Variants in RPF1 observed in about 807,000 individuals in gnomAD.
The protein encoded by RPF1 is ribosome production factor 1.
RPF1 carries 34 observed loss-of-function variants against 41.9 expected under a neutral mutation model. The ratio of observed to expected loss-of-function variants is 0.81; its 90% confidence interval spans 0.62 to 1.08. The LOEUF (loss-of-function observed/expected upper bound fraction) is 1.08, where lower values mean the gene tolerates loss of function less well. RPF1 is among the 50% of genes least tolerant of loss of function. RPF1 has a pLI of 0.00. For missense variants in RPF1, 425 were observed against 435.2 expected (o/e 0.98, Z 0.21); for synonymous variants, 140 against 148.9 (o/e 0.94, Z 0.43).
chr1:84,495,641 T>C (rs146262251), intron 6 of RPF1, among the ~76,000 whole-genome samples, 186 bp downstream of exon 6: 1 of 152,212 alleles, frequency 6.6e-6, no homozygotes, highest in Non-Finnish European at 1.5e-5. Flanking sequence ...GGCAATAGTC[T>C]TCATTACTAT....
chr1:84,481,812 C>A (rs1681655638), intron 2 of RPF1, among the ~76,000 whole-genome samples: 1 of 152,098 alleles, frequency 6.6e-6, no homozygotes, highest in African/African-American at 2.4e-5. Flanking sequence ...GTCTCCGCCT[C>A]CCATTCAAGT....
chr1:84,486,457 G>A (rs543287356), intron 3 of RPF1, among the ~76,000 whole-genome samples: 3 of 151,676 alleles, frequency 2.0e-5, no homozygotes, highest in African/African-American at 7.3e-5. Flanking sequence ...GTGTGGTGGC[G>A]GGCACCTGTA....
chr1:84,487,348 G>A (rs1183665494), intron 3 of RPF1, among the ~76,000 whole-genome samples: 1 of 152,120 alleles, frequency 6.6e-6, no homozygotes, highest in African/African-American at 2.4e-5. Flanking sequence ...GTCTCATTGT[G>A]GTTTGAATTT....
At chr1:84,486,587 CAAA>C (rs896267195) in intron 3 of RPF1, among the ~76,000 whole-genome samples, 4 of 64,534 alleles carry the variant, frequency 6.2e-5, no homozygotes, top group South Asian at 5.7e-4. Context: ...GACTCCGTCT[CAAA>C]AAAAAAAAAA....
chr1:84,484,067 T>G (rs1380979115), intron 3 of RPF1, among the ~76,000 whole-genome samples: 1 of 152,220 alleles, frequency 6.6e-6, no homozygotes, highest in Non-Finnish European at 1.5e-5. Context: ...TAGACATATG[T>G]TAGCCAGTGA....
chr1:84,496,054 G>C lies in RPF1; in HGVS notation c.872G>C (p.Arg291Thr), dbSNP rs1256675992. The C allele has an allele frequency of 6.2e-7, 1 of 1,603,850 alleles. No individual in the cohort carries two copies. The highest frequency in any genetic ancestry group is 1.1e-5 in the South Asian group (1 of 89,180). The change falls in exon 7 of 9, where the codon AGA (arginine) becomes ACA (threonine). Residue 291 changes from arginine to threonine, a missense_variant. Coordinates refer to ENST00000370654, the MANE Select transcript of RPF1 (RefSeq NM_025065.7). ...AATCAACGGGATTACATATTCTTCA[G>C]ATTTCACAGGTGAGGAAGGTAAACT... ...FHNQRDYIFF[R>T]FHRYIFRSEK...
intron 7 of RPF1, 87 bp downstream of exon 7, chr1:84,496,150 TATC>T: frequency 1.4e-6 from 2 of 1,466,270 alleles, no homozygotes; most frequent in Admixed American, 2.0e-5. Flanking sequence ...TTGTAGCAAG[TATC>T]ATACAAGATA....
chr1:84,494,936 A>T (rs1056290320), intron 5 of RPF1, among the ~76,000 whole-genome samples: 1 of 152,218 alleles, frequency 6.6e-6, no homozygotes, highest in African/African-American at 2.4e-5. Context: ...GCATATCGTG[A>T]CCATACAAAT....
At chr1:84,480,867 C>A in intron 1 of RPF1, 89 bp from the exon 2 acceptor site, 1 of 726,826 alleles carries the variant, frequency 1.4e-6, no homozygotes, top group East Asian at 2.6e-5. Flanking sequence ...TTCGAGTATT[C>A]ATAGCATTAG....
rs753665480 is a variant in RPF1, at chr1:84,479,374, T to G, written c.93T>G (p.Ala31=). ...AAGAACTTCAGGAGGCTGCAGGCGC[T>G]GGGGATGGGGCGACGGAAAACGGGG... The part of the protein sequence containing the change: ...AAEELQEAAG[A]GDGATENGVQ... Residue 31 remains alanine, a synonymous_variant, in exon 1 of 9, where the codon GCT becomes GCG. Transcript: ENST00000370654. 1.2e-6 allele frequency: 2 copies of G among 1,614,068 alleles called. No individual in the cohort carries two copies. The highest frequency in any genetic ancestry group is 1.7e-6 in the Non-Finnish European group (2 of 1,179,936).
intron 3 of RPF1, among the ~76,000 whole-genome samples, chr1:84,486,326 G>A (rs146255469): frequency 9.6e-4 from 146 of 152,218 alleles, no homozygotes; most frequent in African/African-American, 3.0e-3. Context: ...AGTAGCTCAC[G>A]CCTGTAATCC....
chr1:84,495,748 C>T (rs1463085977), intron 6 of RPF1, 134 bp from the exon 7 acceptor site: 2 of 584,566 alleles, frequency 3.4e-6, no homozygotes, highest in Non-Finnish European at 6.0e-6. Flanking sequence ...TTTGATAAGC[C>T]ATCTGTGGTA....
At chr1:84,486,022 G>A (rs1024548202) in intron 3 of RPF1, among the ~76,000 whole-genome samples, 19 of 152,236 alleles carry the variant, frequency 1.2e-4, no homozygotes, top group African/African-American at 4.6e-4. Flanking sequence ...AGACTTGAAG[G>A]ATGTGAGGAA....
chr1:84,495,106 C>CT, intron 5 of RPF1, among the ~76,000 whole-genome samples: 1 of 151,906 alleles, frequency 6.6e-6, no homozygotes, highest in East Asian at 1.9e-4. Flanking sequence ...TTTAGGGTAC[C>CT]TTAAGATACC....
chr1:84,497,837 A>G lies in RPF1; in HGVS notation c.*367A>G, dbSNP rs940697768. Reference sequence around the variant, plus strand: ...TATACCAGATTAACCTTGGATTCCCAGTGTCTGGCACAGTTTTAATAGCTT... The same window carrying G: ...TATACCAGATTAACCTTGGATTCCCGGTGTCTGGCACAGTTTTAATAGCTT... On this transcript the variant is annotated 3_prime_UTR_variant, in exon 9 of 9. Coordinates refer to ENST00000370654, the MANE Select transcript of RPF1 (RefSeq NM_025065.7). 6.1e-6 allele frequency: 1 copy of G among 164,176 alleles called. No homozygotes were observed. Among genetic ancestry groups the G allele is most frequent in the Non-Finnish European group, 1.3e-5 (1 of 76,220 alleles). The allele number at this position is 164,176 out of a possible 1,614,324, so 10.2% of individuals were successfully genotyped here.
At chr1:84,480,805 A>G (rs780697059) in intron 1 of RPF1, 151 bp from the exon 2 acceptor site, 1 of 466,278 alleles carries the variant, frequency 2.1e-6, no homozygotes, top group Non-Finnish European at 3.8e-6. Context: ...TAATTTAGGT[A>G]GAAAACTCCA....
rs1558546557 is a variant in RPF1, at chr1:84,495,473, C to A, written c.699+18C>A. On this transcript the variant is annotated intron_variant, in intron 6 of 8. Transcript: ENST00000370654. ...AAATTAAGGTAAGTTTTATACATTT[C>A]TTTGATTGGCATTGATCTCTTCACA... 11 of 1,031,122 alleles carry A rather than the reference C, an allele frequency of 1.1e-5. No individual in the cohort carries two copies. The highest frequency in any genetic ancestry group is 1.6e-5 in the Non-Finnish European group (11 of 674,092). 63.9% of individuals were successfully genotyped at this position (1,031,122 alleles called of 1,614,324 possible).
At position 84,495,837 on chromosome 1, in the gene RPF1, A is replaced by G. The variant is rs377031927; in HGVS notation, c.700-45A>G. 4.9e-5 allele frequency: 63 copies of G among 1,296,674 alleles called. No homozygotes were observed. In the African/African-American group the frequency reaches 8.8e-4, roughly 18 times the overall value. 80.3% of individuals were successfully genotyped at this position (1,296,674 alleles called of 1,614,324 possible). A position where few individuals can be genotyped will look rare whatever the true frequency, so the allele number is the denominator to read the frequency against. ...GAAATTGCATTGGGACGTATTGCCA[A>G]TTAGCTTAGCCCATTGTGATATTTA... On this transcript the variant is annotated intron_variant, in intron 6 of 8. Transcript: ENST00000370654.
intron 8 of RPF1, among the ~76,000 whole-genome samples, chr1:84,496,958 A>G (rs10874448): frequency 0.99 from 150,165 of 152,054 alleles, 74,180 homozygotes; most frequent in East Asian, 1. Context: ...TGCAACCTCC[A>G]CCTCCCGGGT....
Sources: allele counts gnomAD v4.1 joint callset (sites outside exome capture counted in the v4.1 genomes callset), GRCh38; gene constraint gnomAD v4.1.1; transcripts MANE v1.5; gene names NCBI Gene and HGNC (gene_info 2026-07-23, HGNC 2026-07-21).